The following ZNF561 variants were observed in gnomAD, a reference collection of about 807,000 sequenced individuals.
The protein encoded by ZNF561 is zinc finger protein 561.
ZNF561 carries 16 observed loss-of-function variants against 16.7 expected under a neutral mutation model. The ratio of observed to expected loss-of-function variants is 0.96; its 90% confidence interval spans 0.65 to 1.45. ZNF561 has a LOEUF of 1.45. ZNF561 is among the 40% of genes most tolerant of loss of function. The pLI is 0.00. For synonymous variants in ZNF561, 190 were observed against 192.1 expected, an observed-to-expected ratio of 0.99 and a Z score of 0.09; for missense variants, 580 against 578.0, an observed-to-expected ratio of 1.00 and a Z score of -0.04.
At chr19:9,616,768 A>AT (rs959957450) in intron 4 of ZNF561, among the ~76,000 whole-genome samples, 21 of 150,422 alleles carry the variant, frequency 1.4e-4, no homozygotes, top group African/African-American at 4.9e-4. Flanking sequence ...ATTTTTTTGA[A>AT]TTTTTTTAGT....
rs577882982 is a variant in ZNF561, at chr19:9,613,942, G to A, written c.324+79C>T. 65 of 1,557,374 alleles carry A rather than the reference G, an allele frequency of 4.2e-5. No homozygotes were observed. The East Asian group carries it at 1.4e-3, about 33-fold the overall frequency. ...GATTACAGATGTAAGCCACACCTCT[G>A]ACTGAGCTGATTTTCTAGAATGGAA... On this transcript the variant is annotated intron_variant, in intron 5 of 5. Coordinates refer to ENST00000302851, the MANE Select transcript of ZNF561 (RefSeq NM_152289.3).
intron 5 of ZNF561, among the ~76,000 whole-genome samples, chr19:9,612,859 A>C (rs887586838): frequency 5.9e-5 from 9 of 152,188 alleles, no homozygotes. Flanking sequence ...ACCATGGCAT[A>C]ATCACAGCTC....
intron 2 of ZNF561, chr19:9,619,174 T>C (rs2144906604): frequency 4.7e-6 from 1 of 214,568 alleles, no homozygotes; most frequent in African/African-American, 2.3e-5. Flanking sequence ...AGAGAATCAC[T>C]TGAACCTGGG....
rs1271522914 is a variant in ZNF561, at chr19:9,610,654, G to A, written c.1007C>T (p.Pro336Leu). 3 of 1,614,020 alleles carry A rather than the reference G, an allele frequency of 1.9e-6. No individual in the cohort carries two copies. The highest frequency in any genetic ancestry group is 1.3e-5 in the African/African-American group (1 of 74,916). ...TTGGCCACATTCCTTACATTCATAG[G>A]GTTTTATTCCAGTGTGAGTTCTTAC... ...EHVRTHTGIK[P>L]YECKECGQAF... Residue 336 changes from proline (P) to leucine (L), a missense_variant, in exon 6 of 6, where the codon CCC becomes CTC. Coordinates refer to ENST00000302851, the MANE Select transcript of ZNF561 (RefSeq NM_152289.3).
At chr19:9,617,555 G>C (rs538382631) in intron 3 of ZNF561, 28 of 388,436 alleles carry the variant, frequency 7.2e-5, no homozygotes, top group South Asian at 4.8e-4. Flanking sequence ...GGGTCCAACT[G>C]TGTCACCCAG....
At position 9,618,159 on chromosome 19, in the gene ZNF561, T is replaced by G. The variant is rs1222779492; in HGVS notation, c.46A>C (p.Ile16Leu). The change falls in exon 3 of 6, where the codon ATC (isoleucine) becomes CTC (leucine). Residue 16 changes from isoleucine (I) to leucine (L), a missense_variant. Transcript: ENST00000302851. ...LSRGFFSREP[I>L]CPFEEKTKVE... ...TTTGTCTTTTCTTCAAAAGGGCAGATTGGTTCCCTGGAAAAAAACCCTAGT... is the reference window on the plus strand; with the variant it reads ...TTTGTCTTTTCTTCAAAAGGGCAGAGTGGTTCCCTGGAAAAAAACCCTAGT... 15 of 1,551,022 alleles carry G rather than the reference T, an allele frequency of 9.7e-6. No individual in the cohort carries two copies. The highest frequency in any genetic ancestry group is 1.3e-5 in the Non-Finnish European group (15 of 1,146,636).
Position 9,607,774 on chromosome 19 carries a change from G to T in ZNF561, c.*2426C>A, listed in dbSNP as rs1258022581. On this transcript the variant is annotated 3_prime_UTR_variant, in exon 6 of 6. Transcript: ENST00000302851. ...TTATGTGATTGTCTATGTGGAAACG[G>T]AAAAGAATCATATTAAGTACTTTGG... 1 of 152,166 alleles carries T rather than the reference G, an allele frequency of 6.6e-6. No homozygotes were observed. Among genetic ancestry groups the T allele is most frequent in the Non-Finnish European group, 1.5e-5 (1 of 68,034 alleles). The allele number at this position is 152,166 out of a possible 1,614,324, so 9.4% of individuals were successfully genotyped here.
chr19:9,617,862 T>C (rs916971035), intron 3 of ZNF561: 3 of 571,578 alleles, frequency 5.2e-6, no homozygotes, highest in Non-Finnish European at 1.0e-5. Flanking sequence ...GTTGGCACCA[T>C]GAAGGTCAAG....
intron 4 of ZNF561, 190 bp from the exon 5 acceptor site, chr19:9,614,293 G>GT: frequency 1.7e-6 from 1 of 592,854 alleles, no homozygotes; most frequent in Non-Finnish European, 2.9e-6. Flanking sequence ...TGTTTAGATA[G>GT]TTTATTACAA....
At chr19:9,615,899 A>G (rs962469725) in intron 4 of ZNF561, among the ~76,000 whole-genome samples, 4 of 152,112 alleles carry the variant, frequency 2.6e-5, no homozygotes, top group Admixed American at 6.6e-5. Context: ...AAAAAAAAAA[A>G]GCAGAAATAA....
chr19:9,619,243 C>G (rs1476377535), intron 2 of ZNF561, 189 bp downstream of exon 2: 2 of 336,536 alleles, frequency 5.9e-6, no homozygotes, highest in Admixed American at 9.8e-5. Context: ...GGTGACGGAA[C>G]AAGATTCTGT....
intron 4 of ZNF561, among the ~76,000 whole-genome samples, chr19:9,615,364 A>T (rs2074535202): frequency 6.6e-6 from 1 of 151,692 alleles, no homozygotes; most frequent in Non-Finnish European, 1.5e-5. Flanking sequence ...TGGGAGGTCG[A>T]GGTGGGTGGA....
intron 4 of ZNF561, among the ~76,000 whole-genome samples, chr19:9,614,506 G>A (rs891912310): frequency 2.6e-5 from 4 of 152,172 alleles, no homozygotes; most frequent in Admixed American, 6.6e-5. Flanking sequence ...TACTTGTGAG[G>A]CTGAGGCAGT....
At chr19:9,619,609 A>T (rs567097256) in intron 1 of ZNF561, 27 bp from the exon 2 acceptor site, 98 of 581,000 alleles carry the variant, frequency 1.7e-4, no homozygotes, top group Non-Finnish European at 2.3e-5. Flanking sequence ...TCAAACAACA[A>T]GCATGAAACA....
chr19:9,619,433 A>G lies in ZNF561; in HGVS notation c.24T>C (p.Arg8=). The G allele has an allele frequency of 6.2e-7, 1 of 1,613,514 alleles. No individual in the cohort carries two copies. Among genetic ancestry groups the G allele is most frequent in the South Asian group, 1.1e-5 (1 of 91,000 alleles). The change falls in exon 2 of 6, where the codon CGT becomes CGC. Residue 8 remains arginine (R), a splice_region_variant and synonymous_variant. Coordinates refer to ENST00000302851, the MANE Select transcript of ZNF561 (RefSeq NM_152289.3). MAAIYLS[R]GFFSREPICP... Reference sequence around the variant, plus strand: ...AAAAGAGCATCAACAAAGACTTACCACGGGACAAATAAATGGCTGCCATTC... The same window carrying G: ...AAAAGAGCATCAACAAAGACTTACCGCGGGACAAATAAATGGCTGCCATTC...
At chr19:9,617,958 C>T in intron 3 of ZNF561, 133 bp downstream of exon 3, 1 of 816,142 alleles carries the variant, frequency 1.2e-6, no homozygotes, top group Non-Finnish European at 2.0e-6. Flanking sequence ...GGAAATTCAT[C>T]TGGGGACTCA....
At chr19:9,619,859 ATATTTATCTATCTATATC>A (rs1395602908) in intron 1 of ZNF561, among the ~76,000 whole-genome samples, 1 of 144,022 alleles carries the variant, frequency 6.9e-6, no homozygotes, top group African/African-American at 2.6e-5. Context: ...ATATCTATCT[ATATTTATCTATCTATATC>A]TATCTATCTA....
chr19:9,615,792 G>T (rs1368802308), intron 4 of ZNF561, among the ~76,000 whole-genome samples: 2 of 151,760 alleles, frequency 1.3e-5, no homozygotes, highest in Non-Finnish European at 1.5e-5. Flanking sequence ...ATGGTAGCAG[G>T]TGTGCCTAAT....
intron 4 of ZNF561, among the ~76,000 whole-genome samples, chr19:9,614,582 G>A (rs2074520657): frequency 6.6e-6 from 1 of 152,144 alleles, no homozygotes; most frequent in Admixed American, 6.6e-5. Flanking sequence ...TCCAGCCTGG[G>A]TGACAGAGCA....
Sources: gnomAD v4.1 joint callset for allele counts (sites outside exome capture counted in the v4.1 genomes callset) on GRCh38, gnomAD v4.1.1 for gene constraint, MANE v1.5 for transcripts, NCBI Gene and HGNC (gene_info 2026-07-23, HGNC 2026-07-21) for gene names.